Variants in AGBL1 observed in about 807,000 individuals in gnomAD.
AGBL1 encodes cytosolic carboxypeptidase 4.
AGBL1 carries 130 observed loss-of-function variants against 118.9 expected under a neutral mutation model. That is an observed-to-expected ratio of 1.09 (90% CI 0.95 to 1.26). The LOEUF is 1.26. Ranked by LOEUF, AGBL1 falls within the 50% of genes most tolerant of loss-of-function variation. AGBL1 has a pLI of 0.00. For synonymous variants in AGBL1, 555 were observed against 478.9 expected (o/e 1.16, Z -2.08); for missense variants, 1,584 against 1,298.1 (o/e 1.22, Z -3.38).
chr15:86,538,936 G>A (rs1183236109), intron 19 of AGBL1, among the ~76,000 whole-genome samples: 4 of 152,196 alleles, frequency 2.6e-5, no homozygotes, highest in African/African-American at 9.6e-5. Flanking sequence ...AGATGAGGAA[G>A]GCATGTGAGA....
At chr15:86,127,374 A>G (rs2076760673) in intron 1 of AGBL1, among the ~76,000 whole-genome samples, 1 of 152,248 alleles carries the variant, frequency 6.6e-6, no homozygotes, top group Non-Finnish European at 1.5e-5. Flanking sequence ...TTTATAAATG[A>G]CGTGGGTCCT....
intron 18 of AGBL1, among the ~76,000 whole-genome samples, chr15:86,452,224 C>T (rs1048934343): frequency 2.0e-5 from 3 of 152,286 alleles, no homozygotes; most frequent in Admixed American, 1.3e-4. Context: ...GAAAAACTCA[C>T]AGGTCTCCAG....
chr15:86,681,945 T>A (rs1429357188), intron 22 of AGBL1, among the ~76,000 whole-genome samples: 1 of 152,152 alleles, frequency 6.6e-6, no homozygotes, highest in African/African-American at 2.4e-5. Context: ...AAAGATCCCA[T>A]TACAGTAAAG....
In AGBL1 at chr15:86,522,954, T is replaced by C; in HGVS notation, c.2685+15T>C. 1.2e-6 allele frequency: 2 copies of C among 1,612,790 alleles called. No individual in the cohort carries two copies. Among genetic ancestry groups the C allele is most frequent in the Non-Finnish European group, 8.5e-7 (1 of 1,178,824 alleles). On this transcript the variant is annotated intron_variant, in intron 19 of 22. Transcript: ENST00000614907. ...GAAGTCCCGTGGTGAGTCACTTCCT[T>C]CTGCCTCCACCTTCCTGGCTGCTTC...
At chr15:86,463,646 T>C (rs910843423) in intron 18 of AGBL1, among the ~76,000 whole-genome samples, 1 of 152,178 alleles carries the variant, frequency 6.6e-6, no homozygotes, top group African/African-American at 2.4e-5. Flanking sequence ...CCAGTTTCAG[T>C]TTTCTGCATA....
chr15:86,428,275 G>A (rs1461033696), intron 18 of AGBL1, among the ~76,000 whole-genome samples: 2 of 152,192 alleles, frequency 1.3e-5, no homozygotes, highest in Admixed American at 6.5e-5. Flanking sequence ...TAGGACAAGA[G>A]GGAGTTCCTG....
chr15:86,171,876 T>C (rs1221422021), intron 5 of AGBL1, among the ~76,000 whole-genome samples: 1 of 152,074 alleles, frequency 6.6e-6, no homozygotes, highest in Non-Finnish European at 1.5e-5. Flanking sequence ...AGAAACAAAA[T>C]AGTGGCATTC....
chr15:86,477,414 C>T (rs1179569781), intron 18 of AGBL1, among the ~76,000 whole-genome samples: 2 of 152,142 alleles, frequency 1.3e-5, no homozygotes, highest in African/African-American at 2.4e-5. Flanking sequence ...CCACCGATTC[C>T]ACAGAAATAC....
At chr15:86,940,454 C>T (rs2080736371) in intron 23 of AGBL1, among the ~76,000 whole-genome samples, 1 of 152,066 alleles carries the variant, frequency 6.6e-6, no homozygotes, top group African/African-American at 2.4e-5. Context: ...CACAAATACT[C>T]ATTAAGTACT....
chr15:87,027,554 A>G lies in AGBL1; in HGVS notation c.3324-1271A>G, dbSNP rs79233109. On this transcript the variant is annotated intron_variant, in intron 24 of 24. Transcript: ENST00000441037. ...ATATAGATGTATATTTATTACATAAATCATTCTATTATAAAGATACATGCA... is the reference window on the plus strand; with the variant it reads ...ATATAGATGTATATTTATTACATAAGTCATTCTATTATAAAGATACATGCA... Among the ~76,000 whole-genome samples the G allele has an allele frequency of 2.7e-3, 407 of 151,906 alleles. 1 individual carries two copies. The highest frequency in any genetic ancestry group is 9.1e-3 in the African/African-American group (377 of 41,470).
At chr15:86,154,632 G>A in intron 4 of AGBL1, 71 bp downstream of exon 4, 1 of 1,505,554 alleles carries the variant, frequency 6.6e-7, no homozygotes, top group Non-Finnish European at 8.9e-7. Context: ...AACTGCATGA[G>A]GGTCTGGTTG....
intron 24 of AGBL1, among the ~76,000 whole-genome samples, chr15:87,014,380 A>C (rs1464003592): frequency 6.6e-6 from 1 of 152,224 alleles, no homozygotes; most frequent in East Asian, 1.9e-4. Flanking sequence ...GTTGAGAGGA[A>C]GGGCAGAGGA....
intron 22 of AGBL1, among the ~76,000 whole-genome samples, chr15:86,687,960 T>C (rs16977933): frequency 0.23 from 35,051 of 152,060 alleles, 5,194 homozygotes; most frequent in East Asian, 0.46. Flanking sequence ...TAGTTGTTAC[T>C]AATTCCATCA....
chr15:86,457,012 A>C (rs1567000916), intron 18 of AGBL1, among the ~76,000 whole-genome samples: 1 of 152,140 alleles, frequency 6.6e-6, no homozygotes, highest in African/African-American at 2.4e-5. Context: ...ACACACCGCT[A>C]TTTGCCTTGT....
At chr15:86,271,440 C>T (rs2079160346) in intron 14 of AGBL1, among the ~76,000 whole-genome samples, 179 bp from the exon 15 acceptor site, 1 of 152,120 alleles carries the variant, frequency 6.6e-6, no homozygotes, top group Non-Finnish European at 1.5e-5. Context: ...TAGGGCTCAC[C>T]AGGATAATCA....
chr15:86,116,048 T>C lies in AGBL1; in HGVS notation c.52-25956T>C, dbSNP rs150800653. Among the ~76,000 whole-genome samples the C allele has an allele frequency of 2.2e-4, 34 of 152,306 alleles. 1 individual carries two copies. Among genetic ancestry groups the C allele is most frequent in the African/African-American group, 7.0e-4 (29 of 41,574 alleles). On this transcript the variant is annotated intron_variant, in intron 1 of 22. Coordinates refer to ENST00000614907, the MANE Select transcript of AGBL1 (RefSeq NM_001386094.1). Reference sequence around the variant, plus strand: ...AAGGAAAGTAAATAATTGAGAACAATAATAAAATTGACTGTATCACTAAAA... The same window carrying C: ...AAGGAAAGTAAATAATTGAGAACAACAATAAAATTGACTGTATCACTAAAA...
intron 22 of AGBL1, among the ~76,000 whole-genome samples, chr15:86,823,198 A>G (rs1255271560): frequency 6.6e-6 from 1 of 151,602 alleles, no homozygotes; most frequent in Non-Finnish European, 1.5e-5. Flanking sequence ...AATCAGGCAC[A>G]GACTCTATTG....
At chr15:86,918,351 T>C (rs1052528361), downstream of AGBL1, among the ~76,000 whole-genome samples, 5 of 152,160 alleles carry the variant, frequency 3.3e-5, no homozygotes, top group Non-Finnish European at 7.4e-5. Context: ...TTGCATCCTC[T>C]TCCCATTCTC....
intron 22 of AGBL1, among the ~76,000 whole-genome samples, chr15:86,768,979 C>T (rs754486140): frequency 6.6e-6 from 1 of 151,928 alleles, no homozygotes; most frequent in African/African-American, 2.4e-5. Flanking sequence ...TGCTAGATAA[C>T]ATAGACCCCT....
Sources: allele counts gnomAD v4.1 joint callset (sites outside exome capture counted in the v4.1 genomes callset), GRCh38; gene constraint gnomAD v4.1.1; transcripts MANE v1.5; gene names NCBI Gene and HGNC (gene_info 2026-07-23, HGNC 2026-07-21).